Variants in HLTF observed in about 807,000 individuals in gnomAD.
HLTF encodes DNA-dependent ATPase/E3 ubiquitin-protein ligase HLTF.
In HLTF, 127 loss-of-function variants were observed where a neutral mutation model predicts 129.4. The ratio of observed to expected loss-of-function variants is 0.98; its 90% CI spans 0.85 to 1.14. The LOEUF (loss-of-function observed/expected upper bound fraction) is 1.14. Among genes scored for constraint, HLTF ranks in the 50% most tolerant of loss-of-function variants. HLTF has a pLI of 0.00. For missense variants in HLTF, 1,139 were observed against 1,187.1 expected (o/e 0.96, Z 0.60); for synonymous variants, 332 against 388.8 (o/e 0.85, Z 1.72).
At position 149,060,761 on chromosome 3, in the gene HLTF, A is replaced by T. The variant is rs370529938; in HGVS notation, c.1240+18T>A. 9.3e-6 allele frequency: 15 copies of T among 1,609,232 alleles called. No homozygotes were observed. Among genetic ancestry groups the T allele is most frequent in the Non-Finnish European group, 1.1e-5 (13 of 1,175,962 alleles). On this transcript the variant is annotated intron_variant, in intron 11 of 24. Transcript: ENST00000310053. ...AGAATATAGGACACATTATCAAATC[A>T]AATCTATTACATGTTACCTTTCATT... is the stretch of plus-strand genomic sequence containing the variant.
chr3:149,084,946 C>T, intron 1 of HLTF, 57 bp from the exon 2 acceptor site: 3 of 1,243,696 alleles, frequency 2.4e-6, no homozygotes, highest in South Asian at 1.3e-5. Context: ...TTCCAAAGAC[C>T]ATATGAGTAG....
intron 14 of HLTF, among the ~76,000 whole-genome samples, chr3:149,051,480 G>A (rs1716990915): frequency 1.3e-5 from 2 of 152,156 alleles, no homozygotes; most frequent in Admixed American, 6.5e-5. Flanking sequence ...GTGAGCAAAC[G>A]TTAGGGACAG....
At chr3:149,082,717 T>C (rs978799756) in intron 2 of HLTF, among the ~76,000 whole-genome samples, 8 of 152,042 alleles carry the variant, frequency 5.3e-5, no homozygotes, top group Non-Finnish European at 1.0e-4. Flanking sequence ...GCAAAGATAG[T>C]ATCTCAATTT....
rs1266494061 is a variant in HLTF at position 149,030,659 on chromosome 3, C to T, written c.*1561G>A. The stretch of plus-strand genomic sequence containing the variant: ...TAATGCTTGATCTACCAGGTAACTT[C>T]CCAACTGCTCCTAATGCTAGCGGGC... On this transcript the variant is annotated 3_prime_UTR_variant, in exon 25 of 25. Coordinates refer to ENST00000310053, the MANE Select transcript of HLTF (RefSeq NM_003071.4). The T allele has an allele frequency of 6.6e-6, 1 of 152,182 alleles. No homozygotes were observed. Among genetic ancestry groups the T allele is most frequent in the African/African-American group, 2.4e-5 (1 of 41,446 alleles). The allele number at this position is 152,182 out of a possible 1,614,324, so 9.4% of individuals were successfully genotyped here. A position where few individuals can be genotyped will look rare whatever the true frequency, so the allele number is the denominator to read the frequency against.
In HLTF at chr3:149,046,143, A is replaced by T; in HGVS notation, c.2009T>A (p.Leu670His). 6.2e-7 allele frequency: 1 copy of T among 1,611,326 alleles called. No homozygotes were observed. The highest frequency in any genetic ancestry group is 8.5e-7 in the Non-Finnish European group (1 of 1,178,560). ...ATAAATCTTTCTCTCTTCATCTGAAAGTGTAATGTGCTGAATAAATACTTT... is the reference window on the plus strand; with the variant it reads ...ATAAATCTTTCTCTCTTCATCTGAATGTGTAATGTGCTGAATAAATACTTT... ...ERKVFIQHIT[L>H]SDEERKIYQS... The change falls in exon 18 of 25, where the codon CTT becomes CAT. Residue 670 changes from leucine (L) to histidine (H), a missense_variant. Coordinates refer to ENST00000310053, the MANE Select transcript of HLTF (RefSeq NM_003071.4).
At chr3:149,080,361 A>T (rs950707336) in intron 2 of HLTF, among the ~76,000 whole-genome samples, 14 of 152,076 alleles carry the variant, frequency 9.2e-5, no homozygotes, top group Admixed American at 3.9e-4. Context: ...TCTCAATTTT[A>T]AAAAATTCCT....
intron 15 of HLTF, 26 bp downstream of exon 15, chr3:149,050,206 A>T (rs1353925791): frequency 7.1e-7 from 1 of 1,415,930 alleles, no homozygotes; most frequent in Non-Finnish European, 9.7e-7. Flanking sequence ...TCTTTAAAAG[A>T]TCTGTTAAGT....
intron 2 of HLTF, 61 bp downstream of exon 2, chr3:149,084,621 T>C: frequency 8.1e-7 from 1 of 1,231,286 alleles, no homozygotes; most frequent in Non-Finnish European, 1.2e-6. Flanking sequence ...GCGAATTCTC[T>C]TATTTTCTAG....
intron 13 of HLTF, among the ~76,000 whole-genome samples, chr3:149,058,455 T>C (rs1717659366): frequency 6.6e-6 from 1 of 152,228 alleles, no homozygotes; most frequent in Admixed American, 6.5e-5. Context: ...ATGGACTCCA[T>C]ATGTACATCC....
At chr3:149,034,035 G>A (rs949840445) in intron 24 of HLTF, among the ~76,000 whole-genome samples, 8 of 152,082 alleles carry the variant, frequency 5.3e-5, no homozygotes, top group African/African-American at 1.9e-4. Context: ...CCATAACTAT[G>A]AGAACTGGAC....
chr3:149,063,500 G>C lies in HLTF; in HGVS notation c.1091C>G (p.Pro364Arg). The C allele has an allele frequency of 6.2e-7, 1 of 1,608,126 alleles. No individual in the cohort carries two copies. The highest frequency in any genetic ancestry group is 8.5e-7 in the Non-Finnish European group (1 of 1,174,876). Residue 364 changes from proline (P) to arginine (R), a missense_variant, in exon 10 of 25, where the codon CCC (proline) becomes CGC (arginine). Coordinates refer to ENST00000310053, the MANE Select transcript of HLTF (RefSeq NM_003071.4). Reference protein sequence around the residue: ...SKDASRCSEQPSISDIKEKSK... With the variant: ...SKDASRCSEQRSISDIKEKSK... ...CTTCTCCTTGATATCTGAAATACTGGGTTGTTCACTACATCTAGATGCGTC... is the reference window on the plus strand; with the variant it reads ...CTTCTCCTTGATATCTGAAATACTGCGTTGTTCACTACATCTAGATGCGTC...
Position 149,046,063 on chromosome 3 carries a change from GT to G in HLTF, c.2072+16del. ...TAAACAAAAACTAATTTTTAACATG[GT>G]TTTCTTTCTCCATACCTTCCAATAG... On this transcript the variant is annotated intron_variant, in intron 18 of 24. Coordinates refer to ENST00000310053, the MANE Select transcript of HLTF (RefSeq NM_003071.4). 6.4e-7 allele frequency: 1 copy of G among 1,572,852 alleles called. No homozygotes were observed.
chr3:149,082,195 A>G (rs941072736), intron 2 of HLTF, among the ~76,000 whole-genome samples: 15 of 152,200 alleles, frequency 9.9e-5, no homozygotes, highest in Admixed American at 2.0e-4. Flanking sequence ...GCAGTGGCTC[A>G]CACCTGTAAT....
chr3:149,062,651 C>G (rs934981660), intron 10 of HLTF, among the ~76,000 whole-genome samples: 7 of 152,188 alleles, frequency 4.6e-5, no homozygotes, highest in Admixed American at 4.6e-4. Flanking sequence ...TCCCTCTAGT[C>G]TATGTTAATA....
intron 8 of HLTF, 60 bp from the exon 9 acceptor site, chr3:149,064,926 G>T: frequency 1.0e-6 from 1 of 970,034 alleles, no homozygotes; most frequent in Non-Finnish European, 1.6e-6. Flanking sequence ...AACTTTAAAT[G>T]CATCCTGTTT....
At chr3:149,035,176 T>G (rs1466064251) in intron 23 of HLTF, among the ~76,000 whole-genome samples, 178 bp from the exon 24 acceptor site, 1 of 152,198 alleles carries the variant, frequency 6.6e-6, no homozygotes, top group African/African-American at 2.4e-5. Context: ...ATCACTATGA[T>G]GATAGGCATC....
chr3:149,077,233 C>T (rs536451991), intron 2 of HLTF, among the ~76,000 whole-genome samples: 111 of 149,162 alleles, frequency 7.4e-4, no homozygotes, highest in African/African-American at 2.6e-3. Flanking sequence ...GGTGACAGAG[C>T]GAGACTTCAT....
intron 1 of HLTF, among the ~76,000 whole-genome samples, chr3:149,085,995 G>A (rs1423011734): frequency 6.6e-6 from 1 of 152,080 alleles, no homozygotes; most frequent in Non-Finnish European, 1.5e-5. Context: ...GCCCTCCACC[G>A]AGCACAATGC....
At chr3:149,049,626 T>C (rs1490924933) in intron 15 of HLTF, among the ~76,000 whole-genome samples, 6 of 152,072 alleles carry the variant, frequency 3.9e-5, no homozygotes, top group Non-Finnish European at 7.4e-5. Context: ...AAAAAGAAAA[T>C]AAAATTCATT....
Sources: allele counts gnomAD v4.1 joint callset (sites outside exome capture counted in the v4.1 genomes callset), GRCh38; gene constraint gnomAD v4.1.1; transcripts MANE v1.5; gene names NCBI Gene and HGNC (gene_info 2026-07-23, HGNC 2026-07-21).